Variants in SLCO5A1 observed in about 807,000 individuals in gnomAD.
The protein encoded by SLCO5A1 is solute carrier organic anion transporter family member 5A1.
SLCO5A1 carries 39 observed loss-of-function variants against 65.1 expected under a neutral mutation model. The ratio of observed to expected loss-of-function variants is 0.60; its 90% CI spans 0.46 to 0.78. The LOEUF is 0.78. SLCO5A1 is among the 30% of genes least tolerant of loss of function. SLCO5A1 has a pLI of 0.00. For missense variants in SLCO5A1, 1,029 were observed against 1,069.4 expected, an observed-to-expected ratio of 0.96 and a Z score of 0.53; for synonymous variants, 438 against 415.7, an observed-to-expected ratio of 1.05 and a Z score of -0.65.
chr8:69,791,762 A>G (rs7829910), intron 2 of SLCO5A1, among the ~76,000 whole-genome samples: 2,557 of 152,304 alleles, frequency 0.017, 60 homozygotes, highest in African/African-American at 0.059. Context: ...TAACTGAAGC[A>G]TTATTTCATT....
chr8:69,688,907 T>C (rs924764970), intron 6 of SLCO5A1, among the ~76,000 whole-genome samples: 8 of 152,276 alleles, frequency 5.3e-5, no homozygotes, highest in African/African-American at 7.2e-5. Context: ...CCTGAGGAAT[T>C]GCCACACTGA....
At chr8:69,724,398 A>G (rs1363255984) in intron 5 of SLCO5A1, among the ~76,000 whole-genome samples, 1 of 152,248 alleles carries the variant, frequency 6.6e-6, no homozygotes, top group Non-Finnish European at 1.5e-5. Flanking sequence ...TTAATCAAAA[A>G]TCAAACATAA....
At chr8:69,746,834 G>C (rs912129735) in intron 4 of SLCO5A1, among the ~76,000 whole-genome samples, 1 of 152,028 alleles carries the variant, frequency 6.6e-6, no homozygotes, top group African/African-American at 2.4e-5. Flanking sequence ...GCCCTCCCAG[G>C]ACTATAGCCA....
At chr8:69,726,514 T>TTGA (rs146065041) in intron 5 of SLCO5A1, among the ~76,000 whole-genome samples, 11 of 137,400 alleles carry the variant, frequency 8.0e-5, no homozygotes, top group African/African-American at 3.0e-4. Flanking sequence ...TTTTTTTTTT[T>TTGA]GGGGGGACAG....
At chr8:69,717,952 A>G (rs539727902) in intron 5 of SLCO5A1, among the ~76,000 whole-genome samples, 1 of 152,280 alleles carries the variant, frequency 6.6e-6, no homozygotes, top group Admixed American at 6.5e-5. Context: ...ATTTTCAGGA[A>G]TGCACTGCAT....
intron 2 of SLCO5A1, among the ~76,000 whole-genome samples, chr8:69,790,697 G>A (rs1388460800): frequency 6.6e-6 from 1 of 152,142 alleles, no homozygotes; most frequent in East Asian, 1.9e-4. Context: ...ACTGTGATAC[G>A]TGCACACATC....
At chr8:69,780,671 G>C (rs1029146466) in intron 2 of SLCO5A1, among the ~76,000 whole-genome samples, 4 of 152,180 alleles carry the variant, frequency 2.6e-5, no homozygotes, top group African/African-American at 7.2e-5. Context: ...GATGGTGGAT[G>C]ATGAGCGATT....
At chr8:69,707,364 A>G (rs2933052) in intron 5 of SLCO5A1, among the ~76,000 whole-genome samples, 94,325 of 152,064 alleles carry the variant, frequency 0.62, 29,526 homozygotes, top group South Asian at 0.72. Context: ...AATCTGCCCA[A>G]TGGACCAGCA....
chr8:69,698,261 G>A (rs777529625), intron 6 of SLCO5A1, among the ~76,000 whole-genome samples: 27 of 152,162 alleles, frequency 1.8e-4, no homozygotes, highest in Admixed American at 1.1e-3. Flanking sequence ...TCTTATTGAT[G>A]GCCATTTAGA....
At position 69,673,177 on chromosome 8, in the gene SLCO5A1, A is replaced by T; in HGVS notation, c.2239T>A (p.Phe747Ile). Reference protein sequence around the residue: ...VYFGLAAGLKFVGFIFIFLAW... With the variant: ...VYFGLAAGLKIVGFIFIFLAW... ...AGAAAAATAAAAATAAACCCAACGA[A>T]TTTGAGGCCGGCAGCCAAACCAAAA... Residue 747 changes from phenylalanine to isoleucine, a missense_variant, in exon 10 of 10, where the codon TTC becomes ATC. Physicochemically the swap from Phe to Ile is conservative, Grantham distance 21 (BLOSUM62 0). Around this residue, in one of 3 missense-constraint regions of SLCO5A1, gnomAD observed 258 missense variants for 237.4 expected, o/e 1.09. Coordinates refer to ENST00000260126, the MANE Select transcript of SLCO5A1 (RefSeq NM_030958.3). 1 of 1,614,190 alleles carries T rather than the reference A, an allele frequency of 6.2e-7. No individual in the cohort carries two copies. Among genetic ancestry groups the T allele is most frequent in the Non-Finnish European group, 8.5e-7 (1 of 1,180,032 alleles).
Position 69,671,256 on chromosome 8 carries a change from A to G in SLCO5A1, c.*1613T>C, listed in dbSNP as rs574715163. 3 of 152,294 alleles carry G rather than the reference A, an allele frequency of 2.0e-5. No homozygotes were observed. The highest frequency in any genetic ancestry group is 7.2e-5 in the African/African-American group (3 of 41,472). The allele number at this position is 152,294 out of a possible 1,614,324, so 9.4% of individuals were successfully genotyped here. A position where few individuals can be genotyped will look rare whatever the true frequency, so the allele number is the denominator to read the frequency against. The stretch of plus-strand genomic sequence containing the variant: ...CCTTATACCCAGGAGTATTTGCACA[A>G]TTCCACCTGTGCAGTCAAGCAAGGT... On this transcript the variant is annotated 3_prime_UTR_variant, in exon 10 of 10. Coordinates refer to ENST00000260126, the MANE Select transcript of SLCO5A1 (RefSeq NM_030958.3).
At chr8:69,793,696 T>C (rs889852172) in intron 2 of SLCO5A1, among the ~76,000 whole-genome samples, 6 of 151,968 alleles carry the variant, frequency 3.9e-5, no homozygotes, top group Admixed American at 6.6e-5. Flanking sequence ...AAGAATCACT[T>C]GAACCCAGGA....
chr8:69,764,258 C>T (rs562981484), intron 2 of SLCO5A1, among the ~76,000 whole-genome samples: 20 of 152,316 alleles, frequency 1.3e-4, no homozygotes, highest in Non-Finnish European at 2.1e-4. Context: ...CATTGTTAAC[C>T]ACTGAGTAAA....
chr8:69,811,564 C>T (rs1185859221), intron 2 of SLCO5A1, among the ~76,000 whole-genome samples: 2 of 152,100 alleles, frequency 1.3e-5, no homozygotes, highest in Admixed American at 6.5e-5. Flanking sequence ...TCAGGGTCAA[C>T]CAAATACACA....
chr8:69,823,733 T>C (rs200117150), intron 2 of SLCO5A1, among the ~76,000 whole-genome samples: 2 of 152,004 alleles, frequency 1.3e-5, no homozygotes, highest in Admixed American at 6.6e-5. Flanking sequence ...AGAAAGTTAA[T>C]AAGGATACCC....
chr8:69,705,946 C>A (rs539526664), intron 5 of SLCO5A1, among the ~76,000 whole-genome samples: 1 of 152,230 alleles, frequency 6.6e-6, no homozygotes, highest in Admixed American at 6.5e-5. Context: ...TGGATCTATA[C>A]CCTGAAGAAA....
intron 6 of SLCO5A1, among the ~76,000 whole-genome samples, chr8:69,699,323 C>T (rs1814624851): frequency 6.6e-6 from 1 of 152,270 alleles, no homozygotes; most frequent in South Asian, 2.1e-4. Flanking sequence ...ACAGTGAGGA[C>T]CCAGGCCCGT....
intron 5 of SLCO5A1, among the ~76,000 whole-genome samples, chr8:69,709,142 C>A (rs574343851): frequency 6.6e-6 from 1 of 152,230 alleles, no homozygotes; most frequent in African/African-American, 2.4e-5. Flanking sequence ...CTTTCTAGAA[C>A]TTTGCATATA....
chr8:69,809,573 G>T (rs1430888001), intron 2 of SLCO5A1, among the ~76,000 whole-genome samples: 1 of 152,144 alleles, frequency 6.6e-6, no homozygotes, highest in East Asian at 1.9e-4. Flanking sequence ...AGCTTGGTTA[G>T]AACATTTAAG....
Sources: allele counts gnomAD v4.1 joint callset (sites outside exome capture counted in the v4.1 genomes callset), GRCh38; gene constraint gnomAD v4.1.1; regional missense constraint gnomAD v4.1.1; transcripts MANE v1.5; gene names NCBI Gene and HGNC (gene_info 2026-07-23, HGNC 2026-07-21).